Variants in TAS2R1 observed in about 807,000 individuals in gnomAD.
TAS2R1 encodes taste receptor type 2 member 1.
For synonymous variants in TAS2R1, 141 were observed against 134.2 expected, an observed-to-expected ratio of 1.05 and a Z score of -0.35; for missense variants, 370 against 353.4, an observed-to-expected ratio of 1.05 and a Z score of -0.38.
At chr5:9,801,715 G>A in the TAS2R1 span, among the ~76,000 whole-genome samples, 1 of 152,158 alleles carries the variant, frequency 6.6e-6, no homozygotes, top group African/African-American at 2.4e-5. Context: ...CAGCCTTTAG[G>A]ACTGCTGGCT....
At chr5:9,697,395 G>A (rs1022003867) in intron 1 of TAS2R1, among the ~76,000 whole-genome samples, 1 of 151,550 alleles carries the variant, frequency 6.6e-6, no homozygotes, top group African/African-American at 2.4e-5. Context: ...ATTATTCAGG[G>A]CATTAAAAAA....
the TAS2R1 span, among the ~76,000 whole-genome samples, chr5:9,795,842 T>G: frequency 6.6e-6 from 1 of 152,196 alleles, no homozygotes; most frequent in Admixed American, 6.5e-5. Flanking sequence ...GTGACAAATT[T>G]GGGGTAAGTG....
At chr5:9,638,433 G>A (rs1443322579) in intron 2 of TAS2R1, among the ~76,000 whole-genome samples, 1 of 151,850 alleles carries the variant, frequency 6.6e-6, no homozygotes, top group Non-Finnish European at 1.5e-5. Context: ...TTGTCATGTG[G>A]ACAGACTCAG....
chr5:9,796,178 T>A, the TAS2R1 span, among the ~76,000 whole-genome samples: 1 of 152,200 alleles, frequency 6.6e-6, no homozygotes, highest in Non-Finnish European at 1.5e-5. Flanking sequence ...AGGTTAAGAA[T>A]TTAAATACAG....
the TAS2R1 span, among the ~76,000 whole-genome samples, chr5:9,749,013 T>G: frequency 6.6e-6 from 1 of 152,188 alleles, no homozygotes; most frequent in Non-Finnish European, 1.5e-5. Context: ...GAAAATAAAC[T>G]GAAGGCTTTT....
the TAS2R1 span, among the ~76,000 whole-genome samples, chr5:9,768,323 A>T: frequency 6.2e-3 from 938 of 152,166 alleles, 10 homozygotes; most frequent in African/African-American, 0.022. Context: ...TGTATTCACA[A>T]AATCCCTCAT....
chr5:9,782,432 C>T, the TAS2R1 span, among the ~76,000 whole-genome samples: 1 of 145,630 alleles, frequency 6.9e-6, no homozygotes, highest in Admixed American at 6.8e-5. Flanking sequence ...AAGCTGATTT[C>T]CCCTGGGTGG....
chr5:9,823,019 CAAAAAAA>C, the TAS2R1 span, among the ~76,000 whole-genome samples: 1 of 114,426 alleles, frequency 8.7e-6, no homozygotes, highest in Non-Finnish European at 1.7e-5. Flanking sequence ...TCCTCTCCAC[CAAAAAAA>C]AAAAAAAAAA....
chr5:9,754,251 C>T, the TAS2R1 span, among the ~76,000 whole-genome samples: 34 of 152,008 alleles, frequency 2.2e-4, no homozygotes, highest in African/African-American at 5.6e-4. Flanking sequence ...ATTGATGGGA[C>T]GTATCTCAAA....
chr5:9,899,505 C>A, the TAS2R1 span, among the ~76,000 whole-genome samples: 1 of 151,948 alleles, frequency 6.6e-6, no homozygotes, highest in Admixed American at 6.6e-5. Context: ...GGTGTGGTGG[C>A]AGGTGCCTGT....
chr5:9,654,202 A>G (rs1204687814), intron 2 of TAS2R1, among the ~76,000 whole-genome samples: 1 of 152,196 alleles, frequency 6.6e-6, no homozygotes, highest in Non-Finnish European at 1.5e-5. Context: ...AACTCTAGCT[A>G]GGTAAAGAAT....
the TAS2R1 span, among the ~76,000 whole-genome samples, chr5:9,869,141 C>A: frequency 1.4e-4 from 22 of 152,304 alleles, no homozygotes; most frequent in South Asian, 4.6e-3. Context: ...TGCCTGTTAC[C>A]CAGTTCCAAA....
chr5:9,812,350 G>T, the TAS2R1 span, among the ~76,000 whole-genome samples: 2 of 152,038 alleles, frequency 1.3e-5, no homozygotes, highest in African/African-American at 2.4e-5. Flanking sequence ...AGTTGAAGAG[G>T]TGTAGAGAGG....
the TAS2R1 span, among the ~76,000 whole-genome samples, chr5:9,774,669 G>A: frequency 6.6e-6 from 1 of 152,264 alleles, no homozygotes; most frequent in Non-Finnish European, 1.5e-5. Context: ...GCCTAATAAC[G>A]TTGTGGTTCT....
chr5:9,895,006 G>T, the TAS2R1 span, among the ~76,000 whole-genome samples: 14,330 of 152,262 alleles, frequency 0.094, 678 homozygotes, highest in Non-Finnish European at 0.098. Context: ...AGACCATGTG[G>T]TGGTAGGGAG....
At chr5:9,636,766 C>G (rs908720587) in intron 2 of TAS2R1, among the ~76,000 whole-genome samples, 8 of 152,024 alleles carry the variant, frequency 5.3e-5, no homozygotes, top group African/African-American at 1.7e-4. Flanking sequence ...CTTTTGGCGT[C>G]CATTTGCATG....
At chr5:9,847,877 C>T in the TAS2R1 span, among the ~76,000 whole-genome samples, 2 of 152,210 alleles carry the variant, frequency 1.3e-5, no homozygotes, top group Non-Finnish European at 2.9e-5. Context: ...TTCCCCAACA[C>T]CAGTGGTTCT....
the TAS2R1 span, among the ~76,000 whole-genome samples, chr5:9,729,514 C>G: frequency 6.6e-6 from 1 of 152,164 alleles, no homozygotes. Flanking sequence ...GCTACCACTG[C>G]CCTCCCTGCC....
intron 1 of TAS2R1, among the ~76,000 whole-genome samples, chr5:9,692,634 G>T (rs1043863081): frequency 6.6e-6 from 1 of 152,206 alleles, no homozygotes; most frequent in Non-Finnish European, 1.5e-5. Context: ...GAACTACTGT[G>T]AATGATGTTC....
Sources: gnomAD v4.1 joint callset for allele counts (sites outside exome capture counted in the v4.1 genomes callset) on GRCh38, gnomAD v4.1.1 for gene constraint, MANE v1.5 for transcripts, NCBI Gene and HGNC (gene_info 2026-07-23, HGNC 2026-07-21) for gene names.